Variants in NOP58 observed in about 807,000 individuals in gnomAD.
NOP58 encodes NOP58 ribonucleoprotein.
NOP58 carries 44 observed loss-of-function variants against 71.2 expected under a neutral mutation model. The ratio of observed to expected loss-of-function variants is 0.62; its 90% CI spans 0.49 to 0.79. The LOEUF is 0.79. Ranked by LOEUF, NOP58 falls within the 30% of genes least tolerant of loss-of-function variation. The pLI, the probability that NOP58 is intolerant of heterozygous loss-of-function variation, is 0.00. For missense variants in NOP58, 538 were observed against 620.2 expected, an observed-to-expected ratio of 0.87 and a Z score of 1.41; for synonymous variants, 228 against 200.3, an observed-to-expected ratio of 1.14 and a Z score of -1.17.
chr2:202,287,656 C>T lies in NOP58; in HGVS notation c.435-4C>T. ...TGCTAATTTATTTTCCCCTTTCTTC[C>T]CAGCCTGTCTCGATATAGATTGAAG... On this transcript the variant is annotated splice_region_variant and splice_polypyrimidine_tract_variant and intron_variant, in intron 5 of 14. Coordinates refer to ENST00000264279, the MANE Select transcript of NOP58 (RefSeq NM_015934.5). 1.2e-6 allele frequency: 2 copies of T among 1,609,390 alleles called. No homozygotes were observed. The highest frequency in any genetic ancestry group is 1.7e-6 in the Non-Finnish European group (2 of 1,176,026).
At chr2:202,284,805 A>G (rs1688763345) in intron 5 of NOP58, 1 of 226,918 alleles carries the variant, frequency 4.4e-6, no homozygotes, top group Non-Finnish European at 8.6e-6. Context: ...CTGCTAAGTC[A>G]TGCCACTCCT....
intron 2 of NOP58, among the ~76,000 whole-genome samples, chr2:202,277,289 A>C (rs1029450249): frequency 6.8e-6 from 1 of 146,696 alleles, no homozygotes; most frequent in Admixed American, 6.8e-5. Context: ...TGGGCGACAG[A>C]GTGAGACTCT....
At chr2:202,282,746 A>G (rs758298567) in intron 4 of NOP58, among the ~76,000 whole-genome samples, 6 of 152,180 alleles carry the variant, frequency 3.9e-5, no homozygotes, top group Non-Finnish European at 8.8e-5. Context: ...TTCTATGTAT[A>G]TCATGCCATA....
chr2:202,268,937 G>A (rs1420885864), intron 1 of NOP58, among the ~76,000 whole-genome samples: 12 of 151,802 alleles, frequency 7.9e-5, no homozygotes, highest in African/African-American at 2.9e-4. Flanking sequence ...TCCATTTACA[G>A]TGAGGAAAAC....
rs1689011575 is a variant in NOP58, at chr2:202,297,363, C to A, written c.1072-16C>A. ...CATCTGAACATGGAATATAGTTCTT[C>A]ATGTTTTTCTATTAGATTTCTCGAA... is the stretch of plus-strand genomic sequence containing the variant. On this transcript the variant is annotated splice_polypyrimidine_tract_variant and intron_variant, in intron 10 of 14. Coordinates refer to ENST00000264279, the MANE Select transcript of NOP58 (RefSeq NM_015934.5). The A allele has an allele frequency of 1.2e-6, 2 of 1,608,272 alleles. No homozygotes were observed. Among genetic ancestry groups the A allele is most frequent in the South Asian group, 1.1e-5 (1 of 89,972 alleles).
intron 3 of NOP58, among the ~76,000 whole-genome samples, chr2:202,279,489 T>C (rs1026018231): frequency 7.9e-5 from 12 of 152,206 alleles, no homozygotes; most frequent in African/African-American, 1.7e-4. Context: ...CTAGCTTCTT[T>C]GTATTATTTA....
chr2:202,294,097 C>T (rs924253030), intron 9 of NOP58, among the ~76,000 whole-genome samples: 2 of 150,374 alleles, frequency 1.3e-5, no homozygotes, highest in Admixed American at 6.6e-5. Context: ...GGTGGGTCAC[C>T]TGAGGTCAGG....
At chr2:202,295,599 A>G (rs768374383) in intron 9 of NOP58, 75 bp from the exon 10 acceptor site, 38 of 1,010,588 alleles carry the variant, frequency 3.8e-5, no homozygotes, top group Non-Finnish European at 5.1e-5. Flanking sequence ...TAATAATTCT[A>G]TAGGTCTTTT....
intron 1 of NOP58, among the ~76,000 whole-genome samples, chr2:202,268,243 T>A (rs371118769): frequency 8.5e-5 from 13 of 152,106 alleles, no homozygotes; most frequent in East Asian, 3.9e-4. Context: ...GGGTATAAAA[T>A]TATGTTGGTT....
At chr2:202,289,506 C>T (rs1293179252) in intron 6 of NOP58, among the ~76,000 whole-genome samples, 1 of 152,108 alleles carries the variant, frequency 6.6e-6, no homozygotes, top group Non-Finnish European at 1.5e-5. Context: ...GATGCATTTC[C>T]TATTTAGACT....
chr2:202,272,278 G>A (rs911618140), intron 1 of NOP58, among the ~76,000 whole-genome samples: 4 of 148,530 alleles, frequency 2.7e-5, no homozygotes, highest in South Asian at 2.1e-4. Flanking sequence ...TCAGCCTCCC[G>A]AGTAGCTGGA....
chr2:202,297,806 A>C, intron 11 of NOP58, 39 bp from the exon 12 acceptor site: 1 of 1,184,838 alleles, frequency 8.4e-7, no homozygotes. Flanking sequence ...AGAGATTATG[A>C]CTTAGAAGTG....
chr2:202,303,324 A>T, intron 14 of NOP58, 62 bp from the exon 15 acceptor site: 1 of 1,592,422 alleles, frequency 6.3e-7, no homozygotes, highest in Non-Finnish European at 8.5e-7. Flanking sequence ...TTATATTTTC[A>T]ATGTGATTAC....
At chr2:202,287,257 CAG>C (rs1456677008) in intron 5 of NOP58, among the ~76,000 whole-genome samples, 1 of 151,908 alleles carries the variant, frequency 6.6e-6, no homozygotes, top group Non-Finnish European at 1.5e-5. Flanking sequence ...TTAGTAGAGA[CAG>C]GGTTTCGCCA....
chr2:202,297,365 T>A lies in NOP58; in HGVS notation c.1072-14T>A, dbSNP rs377358165. ...TCTGAACATGGAATATAGTTCTTCA[T>A]GTTTTTCTATTAGATTTCTCGAATG... On this transcript the variant is annotated splice_polypyrimidine_tract_variant and intron_variant, in intron 10 of 14. Coordinates refer to ENST00000264279, the MANE Select transcript of NOP58 (RefSeq NM_015934.5). 6.2e-7 allele frequency: 1 copy of A among 1,609,160 alleles called. No homozygotes were observed. The highest frequency in any genetic ancestry group is 8.5e-7 in the Non-Finnish European group (1 of 1,177,742).
At chr2:202,270,778 C>G (rs1250978173) in intron 1 of NOP58, among the ~76,000 whole-genome samples, 2 of 151,962 alleles carry the variant, frequency 1.3e-5, no homozygotes, top group African/African-American at 4.8e-5. Flanking sequence ...CACAAAGTCT[C>G]AAGCAATCAA....
chr2:202,298,011 C>A, intron 12 of NOP58, 105 bp downstream of exon 12: 1 of 698,490 alleles, frequency 1.4e-6, no homozygotes, highest in African/African-American at 1.8e-5. Context: ...ATAGTTTTTT[C>A]AAATTTATTT....
chr2:202,297,724 A>G (rs1689016747), intron 11 of NOP58, 121 bp from the exon 12 acceptor site: 1 of 815,808 alleles, frequency 1.2e-6, no homozygotes. Flanking sequence ...TATTCAAAAT[A>G]ACAAAACAAA....
At chr2:202,266,115 GAGA>G (rs1242638876) in intron 1 of NOP58, 129 bp downstream of exon 1, 5 of 1,074,546 alleles carry the variant, frequency 4.7e-6, no homozygotes, top group East Asian at 2.4e-5. Flanking sequence ...TGGGAGGAGG[GAGA>G]AGGCCTTTAC....
Sources: allele counts gnomAD v4.1 joint callset (sites outside exome capture counted in the v4.1 genomes callset), GRCh38; gene constraint gnomAD v4.1.1; transcripts MANE v1.5; gene names NCBI Gene and HGNC (gene_info 2026-07-23, HGNC 2026-07-21).